Variants in TBC1D19 observed in about 807,000 individuals in gnomAD.
The protein encoded by TBC1D19 is TBC1 domain family member 19.
Under a neutral mutation model 89.0 loss-of-function variants are expected in TBC1D19, and 60 were observed. The ratio of observed to expected loss-of-function variants is 0.67; its 90% confidence interval spans 0.55 to 0.84. The LOEUF (loss-of-function observed/expected upper bound fraction) is 0.84. Among genes scored for constraint, TBC1D19 ranks in the 40% least tolerant of loss-of-function variants. The pLI, the probability that TBC1D19 is intolerant of heterozygous loss-of-function variation, is 0.00. For missense variants in TBC1D19, 500 were observed against 610.8 expected (o/e 0.82, Z 1.91); for synonymous variants, 189 against 199.7 (o/e 0.95, Z 0.45).
intron 18 of TBC1D19, among the ~76,000 whole-genome samples, chr4:26,745,908 G>T (rs548611849): frequency 2.6e-5 from 4 of 152,130 alleles, no homozygotes; most frequent in Non-Finnish European, 4.4e-5. Flanking sequence ...AGGAAGAAGT[G>T]ATATCAATCC....
chr4:26,816,279 C>T, the TBC1D19 span, among the ~76,000 whole-genome samples: 3 of 152,242 alleles, frequency 2.0e-5, no homozygotes, highest in South Asian at 2.1e-4. Context: ...TACATTACAC[C>T]GCAATTATCT....
chr4:26,749,228 A>G (rs1274824628), intron 19 of TBC1D19, among the ~76,000 whole-genome samples: 1 of 152,174 alleles, frequency 6.6e-6, no homozygotes, highest in Non-Finnish European at 1.5e-5. Context: ...CTTGTGCACA[A>G]TAGACTCAAT....
chr4:26,773,164 G>C, the TBC1D19 span, among the ~76,000 whole-genome samples: 1 of 152,148 alleles, frequency 6.6e-6, no homozygotes, highest in Non-Finnish European at 1.5e-5. Flanking sequence ...ATTCTGACTG[G>C]CATGAGATAG....
At chr4:26,743,152 T>A (rs980401998) in intron 18 of TBC1D19, among the ~76,000 whole-genome samples, 1 of 152,078 alleles carries the variant, frequency 6.6e-6, no homozygotes, top group South Asian at 2.1e-4. Flanking sequence ...TCAAGATTAT[T>A]GGTTCTATCT....
intron 4 of TBC1D19, among the ~76,000 whole-genome samples, chr4:26,633,855 G>T (rs538659766): frequency 2.0e-5 from 3 of 152,012 alleles, no homozygotes; most frequent in African/African-American, 7.2e-5. Context: ...TTGTTATCTT[G>T]ACATTTTTAA....
chr4:26,668,919 TA>T (rs1403744470), intron 9 of TBC1D19, among the ~76,000 whole-genome samples: 1 of 151,194 alleles, frequency 6.6e-6, no homozygotes, highest in African/African-American at 2.4e-5. Flanking sequence ...TTAACAATAA[TA>T]AAAAAAGTCA....
chr4:26,694,164 C>T (rs1031238221), intron 13 of TBC1D19, among the ~76,000 whole-genome samples: 3 of 152,136 alleles, frequency 2.0e-5, no homozygotes, highest in Non-Finnish European at 4.4e-5. Context: ...GAAGGGGTGA[C>T]AGACGGCACC....
intron 1 of TBC1D19, among the ~76,000 whole-genome samples, chr4:26,596,947 G>C (rs1211844121): frequency 6.6e-6 from 1 of 152,106 alleles, no homozygotes; most frequent in East Asian, 1.9e-4. Flanking sequence ...TTGCTTTGCT[G>C]ATTTGCTTGA....
intron 13 of TBC1D19, among the ~76,000 whole-genome samples, chr4:26,692,104 A>T (rs2109171427): frequency 6.6e-6 from 1 of 151,998 alleles, no homozygotes; most frequent in South Asian, 2.1e-4. Flanking sequence ...GCCTCCCCTC[A>T]CCCCCAGATT....
intron 4 of TBC1D19, among the ~76,000 whole-genome samples, chr4:26,635,708 A>G (rs1024168009): frequency 3.3e-5 from 5 of 152,146 alleles, no homozygotes. Context: ...TGTGCTAGAC[A>G]TAGTGTGATT....
intron 7 of TBC1D19, among the ~76,000 whole-genome samples, chr4:26,650,351 T>C (rs1241061873): frequency 6.6e-6 from 1 of 152,216 alleles, no homozygotes; most frequent in Non-Finnish European, 1.5e-5. Flanking sequence ...TGTTCCTATT[T>C]CTCCTCATCC....
chr4:26,681,412 A>G (rs1713330297), intron 11 of TBC1D19, among the ~76,000 whole-genome samples: 1 of 152,018 alleles, frequency 6.6e-6, no homozygotes, highest in Middle Eastern at 3.4e-3. Context: ...TCAGGCGGGT[A>G]TGGTGCTGGG....
At chr4:26,607,611 A>C (rs1207055320) in intron 1 of TBC1D19, among the ~76,000 whole-genome samples, 2 of 152,200 alleles carry the variant, frequency 1.3e-5, no homozygotes, top group Non-Finnish European at 2.9e-5. Flanking sequence ...GTGTTCTATT[A>C]TACCTAAGGA....
At chr4:26,631,170 T>A (rs1388028260) in intron 4 of TBC1D19, among the ~76,000 whole-genome samples, 2 of 152,072 alleles carry the variant, frequency 1.3e-5, no homozygotes, top group Non-Finnish European at 2.9e-5. Context: ...TGGGGTCACT[T>A]TTCTTTCCTT....
Position 26,640,134 on chromosome 4 carries a change from A to T in TBC1D19, c.434-7A>T. On this transcript the variant is annotated splice_polypyrimidine_tract_variant and splice_region_variant and intron_variant, in intron 6 of 20. Transcript: ENST00000264866. The stretch of plus-strand genomic sequence containing the variant: ...TGAAATTTTGTTTATAATCTATCTT[A>T]TTCTAGATTTAAGCCTTTTCAGACC... The T allele has an allele frequency of 2.5e-6, 4 of 1,600,998 alleles. No individual in the cohort carries two copies. Among genetic ancestry groups the T allele is most frequent in the Non-Finnish European group, 1.7e-6 (2 of 1,170,654 alleles).
At position 26,754,617 on chromosome 4, in the gene TBC1D19, T is replaced by C. The variant is rs1423361987; in HGVS notation, c.1507-256T>C. Among the ~76,000 whole-genome samples the C allele has an allele frequency of 2.6e-5, 4 of 152,210 alleles. 1 individual carries two copies. The highest frequency in any genetic ancestry group is 2.0e-4 in the Admixed American group (3 of 15,282). On this transcript the variant is annotated intron_variant, in intron 20 of 20. Transcript: ENST00000264866. Reference sequence around the variant, plus strand: ...GCAAGTTGAAATGTTAAACCTGTTATAAACTCATGCTACCTTGTATATTTG... The same window carrying C: ...GCAAGTTGAAATGTTAAACCTGTTACAAACTCATGCTACCTTGTATATTTG...
intron 4 of TBC1D19, among the ~76,000 whole-genome samples, chr4:26,635,359 T>A (rs1188413369): frequency 6.6e-6 from 1 of 152,108 alleles, no homozygotes; most frequent in Non-Finnish European, 1.5e-5. Context: ...ATCATTATAA[T>A]TAATGTTTGC....
At chr4:26,688,205 A>G in intron 12 of TBC1D19, 140 bp from the exon 13 acceptor site, 1 of 1,239,752 alleles carries the variant, frequency 8.1e-7, no homozygotes, top group Non-Finnish European at 1.0e-6. Context: ...ATACATAGCA[A>G]TGATAAAATT....
At chr4:26,790,849 A>C in the TBC1D19 span, among the ~76,000 whole-genome samples, 1 of 152,362 alleles carries the variant, frequency 6.6e-6, no homozygotes, top group South Asian at 2.1e-4. Context: ...ATGGAGTTTT[A>C]TGCAAAAATA....
Sources: allele counts gnomAD v4.1 joint callset (sites outside exome capture counted in the v4.1 genomes callset), GRCh38; gene constraint gnomAD v4.1.1; transcripts MANE v1.5; gene names NCBI Gene and HGNC (gene_info 2026-07-23, HGNC 2026-07-21).